CFI: variants seen among roughly 807,000 people sequenced by gnomAD.
The protein encoded by CFI is complement factor I.
CFI carries 66 observed loss-of-function variants against 78.8 expected under a neutral mutation model. The ratio of observed to expected loss-of-function variants is 0.84; its 90% CI spans 0.69 to 1.03. CFI has a LOEUF of 1.03. Among genes scored for constraint, CFI ranks in the 50% least tolerant of loss-of-function variants. The pLI is 0.00. For synonymous variants in CFI, 250 were observed against 232.6 expected, an observed-to-expected ratio of 1.07 and a Z score of -0.68; for missense variants, 706 against 704.5, an observed-to-expected ratio of 1.00 and a Z score of -0.02.
chr4:109,790,168 C>A (rs927527456), intron 1 of CFI, among the ~76,000 whole-genome samples: 1 of 151,942 alleles, frequency 6.6e-6, no homozygotes, highest in Admixed American at 6.6e-5. Context: ...TCCAATTTCA[C>A]TTCTGATTTT....
chr4:109,799,803 T>C (rs1732532600), intron 1 of CFI, among the ~76,000 whole-genome samples: 1 of 152,234 alleles, frequency 6.6e-6, no homozygotes, highest in Non-Finnish European at 1.5e-5. Context: ...AACCAAAATT[T>C]GTTGTTATTG....
At chr4:109,783,834 T>TATATATA (rs57344652) in intron 1 of CFI, among the ~76,000 whole-genome samples, 32 of 139,736 alleles carry the variant, frequency 2.3e-4, no homozygotes, top group South Asian at 4.4e-4. Context: ...TATATATATA[T>TATATATA]GATGGAATAC....
intron 2 of CFI, among the ~76,000 whole-genome samples, chr4:109,764,983 A>G (rs1477247359): frequency 6.6e-6 from 1 of 152,190 alleles, no homozygotes; most frequent in Non-Finnish European, 1.5e-5. Flanking sequence ...TCCTGGCCCA[A>G]GTGATGAAGC....
chr4:109,774,313 G>T (rs1464587418), intron 1 of CFI, among the ~76,000 whole-genome samples: 1 of 152,160 alleles, frequency 6.6e-6, no homozygotes, highest in Non-Finnish European at 1.5e-5. Flanking sequence ...TACAGAATAT[G>T]GAGAGTGAGG....
At chr4:109,791,745 A>G (rs974181576) in intron 1 of CFI, among the ~76,000 whole-genome samples, 2 of 152,106 alleles carry the variant, frequency 1.3e-5, no homozygotes, top group Non-Finnish European at 2.9e-5. Flanking sequence ...AAGATCAGAT[A>G]CTTGTAAGGG....
chr4:109,766,753 G>A lies in CFI; in HGVS notation c.129C>T (p.Cys43=), dbSNP rs146462954. The A allele has an allele frequency of 4.3e-5, 69 of 1,614,014 alleles. No homozygotes were observed. The highest frequency in any genetic ancestry group is 6.7e-5 in the Admixed American group (4 of 60,010). ...GCCATGGCTGGCAGAAGACTTTATC[G>A]CAGGAGAGGTGAGTATATTTTTTTG... is the stretch of plus-strand genomic sequence containing the variant. ...CLAKKYTHLS[C]DKVFCQPWQR... The change falls in exon 2 of 13, where the codon TGC becomes TGT. Residue 43 remains cysteine (C), a synonymous_variant. Coordinates refer to ENST00000394634, the MANE Select transcript of CFI (RefSeq NM_000204.5).
At chr4:109,737,625 C>T (rs1237179411), downstream of CFI, among the ~76,000 whole-genome samples, 1 of 152,166 alleles carries the variant, frequency 6.6e-6, no homozygotes, top group African/African-American at 2.4e-5. Context: ...GTCCAGTGCC[C>T]AGGCTCTGCA....
chr4:109,758,836 T>C lies in CFI; in HGVS notation c.884-1053A>G, dbSNP rs144069971. On this transcript the variant is annotated intron_variant, in intron 6 of 12. Coordinates refer to ENST00000394634, the MANE Select transcript of CFI (RefSeq NM_000204.5). ...GGCCGGGCACAGTGGCTCATGCCTG[T>C]AATGCCAGCACTTTGGGAGGCCGAG... Among the ~76,000 whole-genome samples the C allele has an allele frequency of 9.3e-3, 1,422 of 152,326 alleles. 62 individuals are homozygous for C. In the East Asian group the frequency reaches 0.13, roughly 14 times the overall value.
chr4:109,789,998 A>G (rs544717194), intron 1 of CFI, among the ~76,000 whole-genome samples: 1 of 152,114 alleles, frequency 6.6e-6, no homozygotes, highest in South Asian at 2.1e-4. Flanking sequence ...TTTACTTGCT[A>G]TAGGTCTGTT....
intron 3 of CFI, 70 bp downstream of exon 3, chr4:109,764,467 G>T (rs547805157): frequency 1.1e-4 from 163 of 1,519,042 alleles, no homozygotes; most frequent in Non-Finnish European, 1.2e-4. Flanking sequence ...ACACAGAAAG[G>T]TTAGGTAATC....
chr4:109,801,048 C>G (rs530783229), intron 1 of CFI, among the ~76,000 whole-genome samples: 1 of 152,238 alleles, frequency 6.6e-6, no homozygotes, highest in South Asian at 2.1e-4. Flanking sequence ...TACAAGCTGG[C>G]ACTAAGACAA....
intron 1 of CFI, among the ~76,000 whole-genome samples, chr4:109,782,804 C>T (rs556990571): frequency 5.9e-5 from 9 of 152,240 alleles, no homozygotes; most frequent in Non-Finnish European, 1.2e-4. Context: ...GTCACCAAAA[C>T]AGTGTCGTAC....
chr4:109,742,256 T>A (rs899613811), intron 12 of CFI: 1 of 504,300 alleles, frequency 2.0e-6, no homozygotes, highest in Non-Finnish European at 3.6e-6. Context: ...GGCCGTGCTC[T>A]TAGTCACCTT....
downstream of CFI, among the ~76,000 whole-genome samples, chr4:109,738,365 G>T (rs145919027): frequency 0.01 from 1,581 of 152,098 alleles, 33 homozygotes; most frequent in African/African-American, 0.036. Flanking sequence ...ACCAACTTTG[G>T]TCTCCCAAAG....
chr4:109,765,498 T>A (rs1458626018), intron 2 of CFI, among the ~76,000 whole-genome samples: 1 of 152,194 alleles, frequency 6.6e-6, no homozygotes, highest in Non-Finnish European at 1.5e-5. Flanking sequence ...CTTAGAAACT[T>A]CACATTTTAC....
At chr4:109,766,490 G>C in intron 2 of CFI, 64 bp downstream of exon 2, 2 of 1,565,656 alleles carry the variant, frequency 1.3e-6, no homozygotes, top group Non-Finnish European at 1.8e-6. Flanking sequence ...TTTTCTGATA[G>C]AAAGTATGGC....
At chr4:109,780,253 G>A (rs1449224037) in intron 1 of CFI, among the ~76,000 whole-genome samples, 4 of 151,952 alleles carry the variant, frequency 2.6e-5, no homozygotes, top group African/African-American at 4.8e-5. Flanking sequence ...CCCATCTGAC[G>A]ACAGGCTAAT....
chr4:109,740,286 G>C (rs1464836624), downstream of CFI, among the ~76,000 whole-genome samples: 1 of 150,942 alleles, frequency 6.6e-6, no homozygotes, highest in African/African-American at 2.4e-5. Flanking sequence ...GGGAGACTTT[G>C]CCTCAAAAAA....
At position 109,746,325 on chromosome 4, in the gene CFI, T is replaced by C. The variant is rs1281720198; in HGVS notation, c.1326A>G (p.Lys442=). 1 of 1,614,096 alleles carries C rather than the reference T, an allele frequency of 6.2e-7. No homozygotes were observed. Among genetic ancestry groups the C allele is most frequent in the African/African-American group, 1.3e-5 (1 of 74,942 alleles). The part of the protein sequence containing the change: ...LIEMKKDGNK[K]DCELPRSIPA... ...GGATGGAACGAGGCAGCTCACAATC[T>C]TTTTTGTTTCCGTCTTTTTTCATTT... The change falls in exon 11 of 13, where the codon AAA becomes AAG. Residue 442 remains lysine (K), a synonymous_variant. Coordinates refer to ENST00000394634, the MANE Select transcript of CFI (RefSeq NM_000204.5).
Sources: gnomAD v4.1 joint callset for allele counts (sites outside exome capture counted in the v4.1 genomes callset) on GRCh38, gnomAD v4.1.1 for gene constraint, MANE v1.5 for transcripts, NCBI Gene and HGNC (gene_info 2026-07-23, HGNC 2026-07-21) for gene names.